KTN1: variants seen among roughly 807,000 people sequenced by gnomAD.
KTN1 encodes the protein kinectin 1.
KTN1 carries 130 observed loss-of-function variants against 222.5 expected under a neutral mutation model. That is an observed-to-expected ratio of 0.58 (90% CI 0.51 to 0.68). The LOEUF (loss-of-function observed/expected upper bound fraction) is 0.68. KTN1 is among the 30% of genes least tolerant of loss of function. The pLI, the probability that KTN1 is intolerant of heterozygous loss-of-function variation, is 0.00. For synonymous variants in KTN1, 512 were observed against 496.3 expected (o/e 1.03, Z -0.42); for missense variants, 1,508 against 1,500.4 (o/e 1.01, Z -0.08).
At chr14:55,633,612 G>A (rs752286909) in intron 8 of KTN1, among the ~76,000 whole-genome samples, 2 of 151,392 alleles carry the variant, frequency 1.3e-5, no homozygotes, top group African/African-American at 2.4e-5. Context: ...ATATAAACAT[G>A]TATGTGTATA....
intron 1 of KTN1, among the ~76,000 whole-genome samples, chr14:55,594,815 A>T (rs2034753557): frequency 6.6e-6 from 1 of 152,262 alleles, no homozygotes; most frequent in Admixed American, 6.5e-5. Flanking sequence ...ATGTAGTATA[A>T]TGAAGGCTAA....
intron 18 of KTN1, chr14:55,644,195 A>T: frequency 2.3e-6 from 1 of 440,390 alleles, no homozygotes; most frequent in Non-Finnish European, 4.0e-6. Context: ...CTAGTGAAAG[A>T]AGAGAAAAGA....
chr14:55,639,767 AGTT>A, intron 13 of KTN1, 143 bp from the exon 14 acceptor site: 2 of 589,920 alleles, frequency 3.4e-6, no homozygotes, highest in South Asian at 2.3e-5. Flanking sequence ...TGTGTGTGAC[AGTT>A]GTTAGTAAAC....
At chr14:55,624,634 T>A (rs1293133496) in intron 5 of KTN1, among the ~76,000 whole-genome samples, 1 of 152,088 alleles carries the variant, frequency 6.6e-6, no homozygotes, top group Non-Finnish European at 1.5e-5. Context: ...GTATATTAGA[T>A]CAGGGAGGAT....
chr14:55,600,117 C>T (rs1016969889), intron 1 of KTN1, among the ~76,000 whole-genome samples: 2 of 149,836 alleles, frequency 1.3e-5, no homozygotes, highest in Admixed American at 6.6e-5. Context: ...TATTATGTCT[C>T]TTCTGGGGAT....
intron 43 of KTN1, chr14:55,680,669 G>GT: frequency 5.9e-6 from 8 of 1,360,160 alleles, no homozygotes; most frequent in Non-Finnish European, 7.9e-6. Context: ...TTACAGGAGC[G>GT]TTTTGTCTCA....
intron 7 of KTN1, among the ~76,000 whole-genome samples, chr14:55,631,857 C>T (rs1370421020): frequency 6.6e-6 from 1 of 152,184 alleles, no homozygotes; most frequent in Non-Finnish European, 1.5e-5. Flanking sequence ...TTTATTATTA[C>T]ATACTGGGAT....
intron 43 of KTN1, 59 bp downstream of exon 43, chr14:55,679,744 G>A (rs942395943): frequency 2.6e-6 from 4 of 1,526,098 alleles, no homozygotes; most frequent in African/African-American, 1.4e-5. Context: ...TCTGTGTAAT[G>A]TGTATTTACA....
intron 31 of KTN1, among the ~76,000 whole-genome samples, chr14:55,660,159 T>G (rs1186892470): frequency 2.0e-5 from 3 of 152,094 alleles, no homozygotes; most frequent in Non-Finnish European, 4.4e-5. Flanking sequence ...GACGGGAGGA[T>G]CACTGAGCTC....
intron 1 of KTN1, among the ~76,000 whole-genome samples, chr14:55,589,134 A>G (rs771439061): frequency 3.9e-5 from 6 of 152,178 alleles, no homozygotes; most frequent in Non-Finnish European, 8.8e-5. Context: ...ATTCATAAAT[A>G]TAAGTTAGTT....
At chr14:55,644,625 C>T (rs1446355027) in intron 18 of KTN1, among the ~76,000 whole-genome samples, 2 of 145,810 alleles carry the variant, frequency 1.4e-5, no homozygotes, top group African/African-American at 5.1e-5. Flanking sequence ...AGCAGCATGA[C>T]ATTCTTATTC....
At chr14:55,596,154 C>CAAAAAAAAAAAAAAAAAA (rs71448460) in intron 1 of KTN1, among the ~76,000 whole-genome samples, 1 of 61,128 alleles carries the variant, frequency 1.6e-5, no homozygotes, top group African/African-American at 6.8e-5. Context: ...GACTCAATAG[C>CAAAAAAAAAAAAAAAAAA]AAAAAAAAAA....
Position 55,612,012 on chromosome 14 carries a change from T to G in KTN1, c.-30-7T>G. 1 of 1,182,162 alleles carries G rather than the reference T, an allele frequency of 8.5e-7. No individual in the cohort carries two copies. Among genetic ancestry groups the G allele is most frequent in the Non-Finnish European group, 1.1e-6 (1 of 890,600 alleles). 73.2% of individuals were successfully genotyped at this position (1,182,162 alleles called of 1,614,324 possible). A position where few individuals can be genotyped will look rare whatever the true frequency, so the allele number is the denominator to read the frequency against. Reference sequence around the variant, plus strand: ...TTTTTTTTGTCCCCACCTTCTTCCCTATTTAGGTTTTATAGGATCACATTG... The same window carrying G: ...TTTTTTTTGTCCCCACCTTCTTCCCGATTTAGGTTTTATAGGATCACATTG... On this transcript the variant is annotated splice_polypyrimidine_tract_variant and splice_region_variant and intron_variant, in intron 1 of 43. Coordinates refer to ENST00000395314, the MANE Select transcript of KTN1 (RefSeq NM_001079521.2).
At chr14:55,636,147 T>A (rs756119197) in intron 9 of KTN1, among the ~76,000 whole-genome samples, 27 of 152,218 alleles carry the variant, frequency 1.8e-4, no homozygotes, top group Non-Finnish European at 2.8e-4. Flanking sequence ...AGGTTATTGC[T>A]AAGTGGATCA....
At chr14:55,595,095 C>G (rs950899194) in intron 1 of KTN1, among the ~76,000 whole-genome samples, 20 of 152,238 alleles carry the variant, frequency 1.3e-4, no homozygotes, top group African/African-American at 4.6e-4. Context: ...AGCTCATTGA[C>G]TTTCTTGCTC....
chr14:55,633,994 G>T (rs929480339), intron 8 of KTN1, among the ~76,000 whole-genome samples: 1 of 152,078 alleles, frequency 6.6e-6, no homozygotes, highest in African/African-American at 2.4e-5. Context: ...ACAAAAATTA[G>T]CTGGGCTTGG....
chr14:55,583,576 T>C (rs1161006935), intron 1 of KTN1, among the ~76,000 whole-genome samples: 1 of 152,154 alleles, frequency 6.6e-6, no homozygotes, highest in Admixed American at 6.5e-5. Flanking sequence ...TTTTTGGGCT[T>C]TCTCCTTCCT....
chr14:55,598,474 C>A (rs1205053149), intron 1 of KTN1, among the ~76,000 whole-genome samples: 2 of 148,968 alleles, frequency 1.3e-5, no homozygotes, highest in African/African-American at 4.9e-5. Flanking sequence ...CTCAATCAGT[C>A]ATACTCTGGT....
At chr14:55,596,323 A>T (rs2140415440) in intron 1 of KTN1, among the ~76,000 whole-genome samples, 1 of 152,240 alleles carries the variant, frequency 6.6e-6, no homozygotes, top group East Asian at 1.9e-4. Flanking sequence ...AATAGCTTTT[A>T]CTTTTTTCCC....
Sources: gnomAD v4.1 joint callset for allele counts (sites outside exome capture counted in the v4.1 genomes callset) on GRCh38, gnomAD v4.1.1 for gene constraint, MANE v1.5 for transcripts, NCBI Gene and HGNC (gene_info 2026-07-23, HGNC 2026-07-21) for gene names.